Variants in MBP observed in about 807,000 individuals in gnomAD.
MBP encodes the protein myelin basic protein.
In MBP, 16 loss-of-function variants were observed where a neutral mutation model predicts 35.8. The ratio of observed to expected loss-of-function variants is 0.45; its 90% confidence interval spans 0.30 to 0.68. MBP has a LOEUF of 0.68. MBP is among the 30% of genes least tolerant of loss of function. The probability of loss-of-function intolerance (pLI) is 0.08; values close to 1 mark genes in which losing one functional copy is unlikely to be tolerated. For missense variants in MBP, 380 were observed against 404.7 expected (o/e 0.94, Z 0.52); for synonymous variants, 143 against 159.6 (o/e 0.90, Z 0.78).
chr18:77,113,995 G>T (rs1005596677), intron 1 of MBP: 1 of 152,186 alleles, frequency 6.6e-6, no homozygotes, highest in Non-Finnish European at 1.5e-5. Flanking sequence ...CTGGGCTAGG[G>T]GCTCCACAGT....
At position 77,101,903 on chromosome 18, in the gene MBP, G is replaced by A. The variant is rs1568340487; in HGVS notation, c.51+3308C>T. On this transcript the variant is annotated intron_variant, in intron 2 of 8. Coordinates refer to ENST00000355994, the MANE Select transcript of MBP (RefSeq NM_001025101.2). This position sits in a 1 kb window ranked among gnomAD's most constrained non-coding sequence, Gnocchi z 4.3. ...GGAAACTGAGCTTTTATGTGAAAAA[G>A]AAGTTAGGAAATAGGTATGATTCAT... Among the ~76,000 whole-genome samples the A allele has an allele frequency of 6.6e-6, 1 of 152,202 alleles. No individual in the cohort carries two copies. Among genetic ancestry groups the A allele is most frequent in the Non-Finnish European group, 1.5e-5 (1 of 68,040 alleles).
At chr18:77,026,405 T>C (rs2282575) in intron 3 of MBP, among the ~76,000 whole-genome samples, 86,874 of 152,086 alleles carry the variant, frequency 0.57, 25,798 homozygotes, top group Non-Finnish European at 0.64. Context: ...CGAATAAAAC[T>C]AGAATAAAAC....
chr18:77,014,775 G>A (rs1971536703), intron 4 of MBP: 28 of 985,018 alleles, frequency 2.8e-5, no homozygotes, highest in Non-Finnish European at 3.3e-5. Context: ...CCTCACAGCT[G>A]CTCTGTGATC....
chr18:77,089,707 G>A (rs1273564296), intron 2 of MBP, among the ~76,000 whole-genome samples: 3 of 152,206 alleles, frequency 2.0e-5, no homozygotes, highest in East Asian at 1.9e-4. Context: ...TTTTCAGGCC[G>A]GAGGGTCCCA....
chr18:77,031,528 G>A (rs1322887932), intron 3 of MBP, among the ~76,000 whole-genome samples: 1 of 152,234 alleles, frequency 6.6e-6, no homozygotes, highest in African/African-American at 2.4e-5. Flanking sequence ...TCTCATTTTT[G>A]TGGATGTTTT....
intron 1 of MBP, chr18:77,108,443 A>G (rs1323251119): frequency 6.6e-6 from 1 of 152,252 alleles, no homozygotes; most frequent in African/African-American, 2.4e-5. Flanking sequence ...AGAGGGAGGA[A>G]GAACTGAGCT....
chr18:77,016,516 A>T, intron 4 of MBP: 1 of 1,216,882 alleles, frequency 8.2e-7, no homozygotes, highest in Non-Finnish European at 1.0e-6. Flanking sequence ...AGAGACCCTG[A>T]GAATGTGGCT....
At position 77,000,917 on chromosome 18, in the gene MBP, C is replaced by G. The variant is rs550465139; in HGVS notation, c.577-10857G>C. 4.6e-5 allele frequency among the ~76,000 whole-genome samples: 7 copies of G among 152,314 alleles called. No homozygotes were observed. The South Asian group carries it at 8.3e-4, about 18-fold the overall frequency. On this transcript the variant is annotated intron_variant, in intron 4 of 8. Coordinates refer to ENST00000355994, the MANE Select transcript of MBP (RefSeq NM_001025101.2). ...TAAAGGAGATACGTTGATGGAGTCACTCCCTCTCAGAAGAAATGTTTACAA... is the reference window on the plus strand; with the variant it reads ...TAAAGGAGATACGTTGATGGAGTCAGTCCCTCTCAGAAGAAATGTTTACAA...
At chr18:77,054,832 G>T (rs1458871701) in intron 3 of MBP, among the ~76,000 whole-genome samples, 1 of 152,072 alleles carries the variant, frequency 6.6e-6, no homozygotes, top group Non-Finnish European at 1.5e-5. Context: ...GTTCCTGTTA[G>T]CGGTGGGTAA....
intron 4 of MBP, chr18:77,004,242 C>T (rs754802994): frequency 7.3e-5 from 11 of 151,622 alleles, no homozygotes; most frequent in Non-Finnish European, 1.3e-4. Flanking sequence ...TAAATAATAG[C>T]TTCCTCTGAA....
chr18:77,014,862 T>C, intron 4 of MBP: 1 of 985,218 alleles, frequency 1.0e-6, no homozygotes, highest in East Asian at 1.1e-4. Flanking sequence ...AAATCTTCTA[T>C]ATTCAACACT....
In MBP at chr18:77,044,234, C is replaced by G. The variant is rs1211940092; in HGVS notation, c.139+22064G>C. On this transcript the variant is annotated intron_variant, in intron 3 of 8. Coordinates refer to ENST00000355994, the MANE Select transcript of MBP (RefSeq NM_001025101.2). This position sits in a 1 kb window ranked among gnomAD's most constrained non-coding sequence, Gnocchi z 4.4. ...CTGACCACAGCAGCCTACTCCATGT[C>G]CCCCTGTGGATGCTGCAATGCCCAG... is the stretch of plus-strand genomic sequence containing the variant. Among the ~76,000 whole-genome samples the G allele has an allele frequency of 1.3e-5, 2 of 152,164 alleles. No homozygotes were observed. Among genetic ancestry groups the G allele is most frequent in the Non-Finnish European group, 2.9e-5 (2 of 68,032 alleles).
chr18:77,012,064 GGGA>G (rs1211184359), intron 4 of MBP, among the ~76,000 whole-genome samples: 1 of 152,242 alleles, frequency 6.6e-6, no homozygotes, highest in Non-Finnish European at 1.5e-5. Context: ...TGAGTTTAAA[GGGA>G]GGAGATGAGT....
intron 7 of MBP, chr18:76,986,749 G>A (rs754717324): frequency 2.2e-5 from 22 of 985,366 alleles, no homozygotes; most frequent in Non-Finnish European, 2.5e-5. Flanking sequence ...TTCCCTGCAA[G>A]CGTTAAGTCC....
chr18:77,021,384 A>T (rs559989001), intron 3 of MBP, among the ~76,000 whole-genome samples: 1 of 152,290 alleles, frequency 6.6e-6, no homozygotes, highest in Admixed American at 6.5e-5. Flanking sequence ...CTCTTGCATT[A>T]ATAGCACTAT....
chr18:77,091,128 G>A (rs1667914), intron 2 of MBP, among the ~76,000 whole-genome samples: 126,442 of 152,204 alleles, frequency 0.83, 52,800 homozygotes, highest in East Asian at 0.97. Context: ...AGACACTGGT[G>A]TTTTGTTAAG....
chr18:77,042,674 G>C (rs533895113), intron 3 of MBP, among the ~76,000 whole-genome samples: 73 of 152,188 alleles, frequency 4.8e-4, no homozygotes, highest in Non-Finnish European at 9.4e-4. Context: ...ACTGTCCCTG[G>C]AGGTCGCAGG....
intron 2 of MBP, among the ~76,000 whole-genome samples, chr18:77,081,786 A>ACGTATATATATATG (rs1568329872): frequency 5.7e-4 from 84 of 148,610 alleles, no homozygotes; most frequent in African/African-American, 1.7e-3. Context: ...ACACACACAC[A>ACGTATATATATATG]CACACACGTA....
chr18:77,026,120 A>C (rs906713472), intron 3 of MBP, among the ~76,000 whole-genome samples: 4 of 152,208 alleles, frequency 2.6e-5, no homozygotes, highest in African/African-American at 7.2e-5. Context: ...TTGTGCTTCC[A>C]ATGCTTCTGG....
Sources: allele counts gnomAD v4.1 joint callset (sites outside exome capture counted in the v4.1 genomes callset), GRCh38; gene constraint gnomAD v4.1.1; non-coding constraint Gnocchi (gnomAD v3.1); transcripts MANE v1.5; gene names NCBI Gene and HGNC (gene_info 2026-07-23, HGNC 2026-07-21).